The following CSMD1 variants were observed in gnomAD, a reference collection of about 807,000 sequenced individuals.
CSMD1 encodes CUB and sushi domain-containing protein 1.
Under a neutral mutation model 417.5 loss-of-function variants are expected in CSMD1, and 213 were observed. That is an observed-to-expected ratio of 0.51 (90% CI 0.46 to 0.57). The LOEUF (loss-of-function observed/expected upper bound fraction) is 0.57, where lower values mean the gene tolerates loss of function less well. Ranked by LOEUF, CSMD1 falls within the 20% of genes least tolerant of loss-of-function variation. The pLI is 0.00. For missense variants in CSMD1, 6,923 were observed against 4,529.7 expected, an observed-to-expected ratio of 1.53 and a Z score of -15.17; for synonymous variants, 2,862 against 1,736.8, an observed-to-expected ratio of 1.65 and a Z score of -16.11.
chr8:4,970,445 G>A (rs953778399), intron 1 of CSMD1, among the ~76,000 whole-genome samples: 3 of 152,100 alleles, frequency 2.0e-5, no homozygotes, highest in Admixed American at 6.6e-5. Context: ...AGATGTTTAT[G>A]TGACCAAAAT....
intron 2 of CSMD1, among the ~76,000 whole-genome samples, chr8:4,523,031 G>A (rs1172317433): frequency 1.3e-5 from 2 of 152,136 alleles, no homozygotes; most frequent in Non-Finnish European, 2.9e-5. Flanking sequence ...GACAAAATGA[G>A]CAGGTTTTCA....
At chr8:4,201,633 G>C (rs866989146) in intron 3 of CSMD1, among the ~76,000 whole-genome samples, 1 of 146,126 alleles carries the variant, frequency 6.8e-6, no homozygotes, top group South Asian at 2.2e-4. Context: ...ATACAAATAA[G>C]CCTTTATTTA....
intron 1 of CSMD1, among the ~76,000 whole-genome samples, chr8:4,748,377 T>C (rs1017362458): frequency 3.3e-5 from 5 of 152,230 alleles, no homozygotes; most frequent in Admixed American, 2.0e-4. Flanking sequence ...TTCTGCTCCT[T>C]TGAATACTTT....
chr8:3,491,136 G>A (rs900504951), intron 11 of CSMD1, among the ~76,000 whole-genome samples: 2 of 152,152 alleles, frequency 1.3e-5, no homozygotes, highest in African/African-American at 4.8e-5. Context: ...GTGAAAGAAT[G>A]CGGTGAGAGC....
At chr8:4,728,924 TTAAGGTAACCTGCC>T (rs1304738669) in intron 1 of CSMD1, among the ~76,000 whole-genome samples, 2 of 152,130 alleles carry the variant, frequency 1.3e-5, no homozygotes, top group Non-Finnish European at 2.9e-5. Context: ...CATTACAACG[TTAAGGTAACCTGCC>T]AGACGTCCAT....
chr8:4,669,450 C>T (rs1805155125), intron 1 of CSMD1, among the ~76,000 whole-genome samples: 1 of 152,144 alleles, frequency 6.6e-6, no homozygotes. Flanking sequence ...TCCTGAGGAA[C>T]AACTACTTGG....
intron 3 of CSMD1, among the ~76,000 whole-genome samples, chr8:4,083,593 G>C (rs997514670): frequency 6.6e-6 from 1 of 152,148 alleles, no homozygotes; most frequent in South Asian, 2.1e-4. Context: ...AATGGGGAAA[G>C]GATTCCCTAT....
Position 4,001,031 on chromosome 8 carries a change from TG to T in CSMD1, c.611-2922del, listed in dbSNP as rs1239589651. Among the ~76,000 whole-genome samples, 13 of 141,964 alleles carry T rather than the reference TG, an allele frequency of 9.2e-5. No individual in the cohort carries two copies. In the Admixed American group the frequency reaches 9.8e-4, roughly 11 times the overall value. 93.1% of individuals were successfully genotyped at this position (141,964 alleles called of 152,430 possible). A position where few individuals can be genotyped will look rare whatever the true frequency, so the allele number is the denominator to read the frequency against. On this transcript the variant is annotated intron_variant, in intron 4 of 69. Transcript: ENST00000635120. The stretch of plus-strand genomic sequence containing the variant: ...GTTGGCAAGAAATCCCCCCTTTCAA[TG>T]TTTCAGAGGGGAAAATAAAAAAAGG...
chr8:4,682,426 C>G (rs4262341), intron 1 of CSMD1, among the ~76,000 whole-genome samples: 104,516 of 151,924 alleles, frequency 0.69, 36,748 homozygotes, highest in African/African-American at 0.83. Flanking sequence ...TTTCAAATTT[C>G]GATGATTTGC....
At chr8:4,918,458 C>T (rs533132401) in intron 1 of CSMD1, among the ~76,000 whole-genome samples, 2 of 152,200 alleles carry the variant, frequency 1.3e-5, no homozygotes, top group East Asian at 1.9e-4. Context: ...GACTTCATTA[C>T]CCATTTTCTA....
chr8:3,772,480 C>T lies in CSMD1; in HGVS notation c.819-18438G>A, dbSNP rs1181682802. ...ATATACATATATACACATATATATACATATATACACATATATACATATATA... is the reference window on the plus strand; with the variant it reads ...ATATACATATATACACATATATATATATATATACACATATATACATATATA... On this transcript the variant is annotated intron_variant, in intron 5 of 69. Coordinates refer to ENST00000635120, the MANE Select transcript of CSMD1 (RefSeq NM_033225.6). Among the ~76,000 whole-genome samples, 7 of 27,884 alleles carry T rather than the reference C, an allele frequency of 2.5e-4. 2 individuals carry two copies. Among genetic ancestry groups the T allele is most frequent in the African/African-American group, 6.2e-4 (4 of 6,432 alleles). 18.3% of individuals were successfully genotyped at this position (27,884 alleles called of 152,430 possible).
intron 54 of CSMD1, 84 bp from the exon 55 acceptor site, chr8:2,978,884 A>C: frequency 8.5e-7 from 1 of 1,182,260 alleles, no homozygotes; most frequent in Non-Finnish European, 1.2e-6. Context: ...CGAATTCCTC[A>C]TCATTTTAGA....
At chr8:4,621,416 C>A (rs954212590) in intron 2 of CSMD1, among the ~76,000 whole-genome samples, 1 of 152,060 alleles carries the variant, frequency 6.6e-6, no homozygotes, top group Non-Finnish European at 1.5e-5. Context: ...AGATGCTCAA[C>A]CTGCATTAAT....
At chr8:4,190,253 C>CAA (rs11397581) in intron 3 of CSMD1, among the ~76,000 whole-genome samples, 153 of 66,898 alleles carry the variant, frequency 2.3e-3, no homozygotes, top group African/African-American at 3.4e-3. Context: ...ACTCCGTCTC[C>CAA]AAAAAAAAAA....
chr8:3,245,358 G>A (rs761737476), intron 26 of CSMD1, among the ~76,000 whole-genome samples: 4 of 152,176 alleles, frequency 2.6e-5, no homozygotes, highest in Non-Finnish European at 4.4e-5. Context: ...ACAAAAGTGA[G>A]AGGCTGAATT....
chr8:3,330,279 T>C (rs1806806243), intron 23 of CSMD1, among the ~76,000 whole-genome samples: 1 of 152,282 alleles, frequency 6.6e-6, no homozygotes, highest in African/African-American at 2.4e-5. Context: ...TGTTCTACCA[T>C]AAAGACATAC....
intron 6 of CSMD1, among the ~76,000 whole-genome samples, chr8:3,728,503 A>G (rs1053009073): frequency 1.3e-5 from 2 of 152,222 alleles, no homozygotes; most frequent in African/African-American, 2.4e-5. Context: ...GTAAAATAAT[A>G]AAACTTAGCA....
At chr8:4,646,625 T>C (rs1156318466) in intron 1 of CSMD1, among the ~76,000 whole-genome samples, 1 of 151,974 alleles carries the variant, frequency 6.6e-6, no homozygotes, top group African/African-American at 2.4e-5. Context: ...TAGTTGTCTT[T>C]CCTCAACAAT....
chr8:3,618,254 T>G (rs1802242841), intron 7 of CSMD1, among the ~76,000 whole-genome samples: 1 of 152,154 alleles, frequency 6.6e-6, no homozygotes, highest in Non-Finnish European at 1.5e-5. Flanking sequence ...ACACTCGCAC[T>G]GTGGCCTCCT....
Sources: gnomAD v4.1 joint callset for allele counts (sites outside exome capture counted in the v4.1 genomes callset) on GRCh38, gnomAD v4.1.1 for gene constraint, MANE v1.5 for transcripts, NCBI Gene and HGNC (gene_info 2026-07-23, HGNC 2026-07-21) for gene names.